Variants in DLGAP1 observed in about 807,000 individuals in gnomAD.
The protein encoded by DLGAP1 is DLG associated protein 1, also known as disks large-associated protein 1.
DLGAP1 carries 11 observed loss-of-function variants against 90.8 expected under a neutral mutation model. That is an observed-to-expected ratio of 0.12 (90% CI 0.08 to 0.20). The LOEUF (loss-of-function observed/expected upper bound fraction) is 0.20. DLGAP1 is among the 10% of genes least tolerant of loss of function. The pLI is 1.00. For synonymous variants in DLGAP1, 558 were observed against 540.7 expected (o/e 1.03, Z -0.44); for missense variants, 1,050 against 1,333.8 (o/e 0.79, Z 3.31).
chr18:4,097,012 G>A (rs2075692403), intron 2 of DLGAP1, among the ~76,000 whole-genome samples: 2 of 152,140 alleles, frequency 1.3e-5, no homozygotes, highest in Non-Finnish European at 2.9e-5. Context: ...ATTCTTACAG[G>A]GGTCTCCTCT....
intron 2 of DLGAP1, among the ~76,000 whole-genome samples, chr18:4,068,141 A>G (rs34279076): frequency 0.12 from 17,899 of 151,842 alleles, 1,139 homozygotes; most frequent in Non-Finnish European, 0.15. Context: ...TTATTACCAT[A>G]TGGCATACTA....
At chr18:3,850,273 C>T (rs1445216762) in intron 4 of DLGAP1, among the ~76,000 whole-genome samples, 1 of 152,008 alleles carries the variant, frequency 6.6e-6, no homozygotes, top group Non-Finnish European at 1.5e-5. Context: ...TGCTTGTAAT[C>T]CCAGCTACTC....
At chr18:3,644,632 C>T (rs1400147779) in intron 7 of DLGAP1, among the ~76,000 whole-genome samples, 7 of 152,024 alleles carry the variant, frequency 4.6e-5, no homozygotes, top group South Asian at 2.1e-4. Flanking sequence ...AGGCTGGTCT[C>T]GAACTCCTGA....
chr18:3,975,080 C>T (rs1434412277), intron 3 of DLGAP1, among the ~76,000 whole-genome samples: 1 of 151,922 alleles, frequency 6.6e-6, no homozygotes, highest in Admixed American at 6.6e-5. Flanking sequence ...TTCAGTTTTG[C>T]AAGATGAAGA....
chr18:3,738,588 C>G (rs1215266625), intron 6 of DLGAP1, among the ~76,000 whole-genome samples: 1 of 151,920 alleles, frequency 6.6e-6, no homozygotes, highest in Non-Finnish European at 1.5e-5. Context: ...AAAGCTGAAA[C>G]TGGATCCCTT....
At position 4,435,399 on chromosome 18, in the gene DLGAP1, C is replaced by G. The variant is rs151306851; in HGVS notation, c.-267+19607G>C. ...CACATAAAAATACTGACATCAAATT[C>G]TGAGTAATGGAAAGGTATTATGGAA... is the stretch of plus-strand genomic sequence containing the variant. On this transcript the variant is annotated intron_variant, in intron 1 of 12. Transcript: ENST00000315677. Among the ~76,000 whole-genome samples the G allele has an allele frequency of 8.9e-3, 1,348 of 151,986 alleles. 13 individuals carry two copies. The highest frequency in any genetic ancestry group is 0.024 in the Middle Eastern group (7 of 294).
intron 1 of DLGAP1, among the ~76,000 whole-genome samples, chr18:4,425,792 C>G (rs2083138788): frequency 6.6e-6 from 1 of 152,130 alleles, no homozygotes; most frequent in East Asian, 1.9e-4. Context: ...CTCCCTACTT[C>G]TCTCCCCCTG....
chr18:4,166,344 T>C (rs559434720), intron 1 of DLGAP1, among the ~76,000 whole-genome samples: 2 of 152,248 alleles, frequency 1.3e-5, no homozygotes, highest in South Asian at 2.1e-4. Context: ...CCCATTAGGT[T>C]GGCTGTTATA....
intron 3 of DLGAP1, among the ~76,000 whole-genome samples, chr18:3,954,737 T>C (rs12607181): frequency 0.46 from 69,304 of 151,966 alleles, 15,996 homozygotes; most frequent in Middle Eastern, 0.55. Context: ...AAGACAGTGT[T>C]ACGAGGGGCA....
chr18:3,624,424 A>G (rs1200971189), intron 7 of DLGAP1, among the ~76,000 whole-genome samples: 8 of 151,998 alleles, frequency 5.3e-5, no homozygotes. Context: ...GTTTTTCCTC[A>G]CCTACCGCAT....
At position 3,731,564 on chromosome 18, in the gene DLGAP1, C is replaced by T. The variant is rs184976407; in HGVS notation, c.1351-2189G>A. 8.5e-3 allele frequency among the ~76,000 whole-genome samples: 1,223 copies of T among 144,696 alleles called. 5 individuals are homozygous for T. Among genetic ancestry groups the T allele is most frequent in the Non-Finnish European group, 0.014 (945 of 67,328 alleles). The allele number at this position is 144,696 out of a possible 152,430, so 94.9% of individuals were successfully genotyped here. A position where few individuals can be genotyped will look rare whatever the true frequency, so the allele number is the denominator to read the frequency against. On this transcript the variant is annotated intron_variant, in intron 6 of 12. Transcript: ENST00000315677. ...CTGGGACCACAGGTACGCACCACCA[C>T]GCCTGGCTTTTTTTTTTTTTTTTGG...
At chr18:4,283,305 A>G (rs2079599400) in intron 1 of DLGAP1, among the ~76,000 whole-genome samples, 10 of 152,240 alleles carry the variant, frequency 6.6e-5, no homozygotes, top group Admixed American at 6.5e-4. Context: ...AGGAATGATA[A>G]AGAAATGGAA....
chr18:3,968,541 C>A (rs537196659), intron 3 of DLGAP1, among the ~76,000 whole-genome samples: 1 of 152,228 alleles, frequency 6.6e-6, no homozygotes, highest in South Asian at 2.1e-4. Context: ...CCCAAACAGA[C>A]CATCACGGAA....
At chr18:4,423,566 A>AT (rs1385927613) in intron 1 of DLGAP1, among the ~76,000 whole-genome samples, 4 of 152,130 alleles carry the variant, frequency 2.6e-5, no homozygotes, top group Admixed American at 1.3e-4. Context: ...TCTAAAAGAA[A>AT]TTTTTCAAGA....
At chr18:3,880,217 T>A in intron 3 of DLGAP1, 77 bp from the exon 4 acceptor site, 1 of 729,998 alleles carries the variant, frequency 1.4e-6, no homozygotes, top group Non-Finnish European at 2.3e-6. Flanking sequence ...AGGGTCTTGC[T>A]CTGTTGCCCA....
At chr18:3,513,334 C>T (rs1208577728) in intron 10 of DLGAP1, among the ~76,000 whole-genome samples, 1 of 152,190 alleles carries the variant, frequency 6.6e-6, no homozygotes, top group Non-Finnish European at 1.5e-5. Context: ...GTTGTCCAGG[C>T]TGGAGGACAG....
chr18:4,299,620 TAA>T (rs1208071438), intron 1 of DLGAP1, among the ~76,000 whole-genome samples: 3 of 152,030 alleles, frequency 2.0e-5, no homozygotes, highest in Non-Finnish European at 4.4e-5. Context: ...TCAGCAAATA[TAA>T]AAGAGAGTGA....
In DLGAP1 at chr18:3,590,363, T is replaced by G. The variant is rs141969275; in HGVS notation, c.1592-8115A>C. Among the ~76,000 whole-genome samples, 1,346 of 152,322 alleles carry G rather than the reference T, an allele frequency of 8.8e-3. 18 individuals carry two copies. The highest frequency in any genetic ancestry group is 0.029 in the African/African-American group (1,219 of 41,564). Reference sequence around the variant, plus strand: ...CACTGTTAGCTTGAAATTGTTGACCTTGGTGTATTTACACCATGGAAATCA... The same window carrying G: ...CACTGTTAGCTTGAAATTGTTGACCGTGGTGTATTTACACCATGGAAATCA... On this transcript the variant is annotated intron_variant, in intron 7 of 12. Transcript: ENST00000315677.
At chr18:4,135,717 G>A (rs904802569) in intron 2 of DLGAP1, among the ~76,000 whole-genome samples, 1 of 149,520 alleles carries the variant, frequency 6.7e-6, no homozygotes, top group Non-Finnish European at 1.5e-5. Context: ...TTGTGTTTCT[G>A]TGCTTGGCTT....
Sources: allele counts gnomAD v4.1 joint callset (sites outside exome capture counted in the v4.1 genomes callset), GRCh38; gene constraint gnomAD v4.1.1; transcripts MANE v1.5; gene names NCBI Gene and HGNC (gene_info 2026-07-23, HGNC 2026-07-21).